The following PTPRD variants were observed in gnomAD, a reference collection of about 807,000 sequenced individuals.
PTPRD encodes the protein protein tyrosine phosphatase receptor type D.
PTPRD carries 34 observed loss-of-function variants against 214.5 expected under a neutral mutation model. The ratio of observed to expected loss-of-function variants is 0.16; its 90% CI spans 0.12 to 0.21. The LOEUF (loss-of-function observed/expected upper bound fraction) is 0.21. Among genes scored for constraint, PTPRD ranks in the 10% least tolerant of loss-of-function variants. The pLI is 1.00. For synonymous variants in PTPRD, 1,128 were observed against 845.7 expected (o/e 1.33, Z -5.79); for missense variants, 2,545 against 2,398.7 (o/e 1.06, Z -1.27).
chr9:9,861,313 CAG>C (rs1270194145), intron 5 of PTPRD, among the ~76,000 whole-genome samples: 2 of 152,052 alleles, frequency 1.3e-5, no homozygotes, highest in Non-Finnish European at 1.5e-5. Context: ...GTTTTTGAGA[CAG>C]AGTCTTGCTC....
At chr9:9,231,347 T>C (rs896827015) in intron 9 of PTPRD, among the ~76,000 whole-genome samples, 1 of 152,158 alleles carries the variant, frequency 6.6e-6, no homozygotes, top group African/African-American at 2.4e-5. Context: ...CAATACTCTC[T>C]TGCAAATAAG....
intron 32 of PTPRD, among the ~76,000 whole-genome samples, chr9:8,464,119 A>T (rs2096490380): frequency 6.6e-6 from 1 of 151,876 alleles, no homozygotes; most frequent in African/African-American, 2.4e-5. Flanking sequence ...CTAGCGGAAG[A>T]CATCAGAAAC....
intron 11 of PTPRD, among the ~76,000 whole-genome samples, chr9:8,996,755 C>G (rs2099398367): frequency 6.6e-6 from 1 of 152,006 alleles, no homozygotes; most frequent in South Asian, 2.1e-4. Context: ...GCCAAACAGG[C>G]TGAGCCTCAT....
chr9:8,781,575 A>G (rs2154494095), intron 11 of PTPRD, among the ~76,000 whole-genome samples: 1 of 152,322 alleles, frequency 6.6e-6, no homozygotes, highest in Non-Finnish European at 1.5e-5. Flanking sequence ...ATAAAGAAAG[A>G]GTCAAACTCT....
At chr9:9,845,792 T>G (rs530573483) in intron 5 of PTPRD, among the ~76,000 whole-genome samples, 18 of 152,092 alleles carry the variant, frequency 1.2e-4, no homozygotes, top group Non-Finnish European at 2.2e-4. Context: ...ATGTTAATTT[T>G]ATGGACTCAG....
intron 3 of PTPRD, among the ~76,000 whole-genome samples, chr9:10,257,183 T>A (rs536077227): frequency 3.9e-5 from 6 of 152,240 alleles, no homozygotes; most frequent in African/African-American, 1.2e-4. Context: ...TAACATATAC[T>A]GGTTTTAGAC....
intron 2 of PTPRD, among the ~76,000 whole-genome samples, chr9:10,411,224 C>A (rs4631514): frequency 6.6e-6 from 1 of 151,694 alleles, no homozygotes; most frequent in Admixed American, 6.6e-5. Context: ...CAATAGGCCT[C>A]TAAATCACCT....
chr9:10,347,836 T>A (rs1231591305), intron 2 of PTPRD, among the ~76,000 whole-genome samples: 1 of 151,946 alleles, frequency 6.6e-6, no homozygotes, highest in Admixed American at 6.6e-5. Context: ...GGCAGGAGGA[T>A]CATCTGAGGT....
chr9:8,540,235 T>C (rs1360300099), intron 14 of PTPRD, among the ~76,000 whole-genome samples: 2 of 152,154 alleles, frequency 1.3e-5, no homozygotes, highest in African/African-American at 2.4e-5. Flanking sequence ...TCTGGGTAGC[T>C]AGATATACTC....
intron 8 of PTPRD, among the ~76,000 whole-genome samples, chr9:9,518,369 T>A (rs1382591585): frequency 6.6e-6 from 1 of 152,076 alleles, no homozygotes; most frequent in East Asian, 1.9e-4. Context: ...AGTGAAAATA[T>A]AGTAGCATTG....
intron 12 of PTPRD, among the ~76,000 whole-genome samples, chr9:8,671,460 GATACTTTTAAAGCTTATTGCTGTAAGT>G (rs2097284516): frequency 6.6e-6 from 1 of 151,998 alleles, no homozygotes; most frequent in Non-Finnish European, 1.5e-5. Context: ...ACATATTAAA[GATACTTTTAAAGCTTATTGCTGTAAGT>G]ATACTTTTAA....
rs568450363 is a variant in PTPRD at position 9,780,551 on chromosome 9, C to G, written c.-367-13700G>C. Among the ~76,000 whole-genome samples, 9 of 152,234 alleles carry G rather than the reference C, an allele frequency of 5.9e-5. No homozygotes were observed. The South Asian group carries it at 1.7e-3, about 28-fold the overall frequency. The stretch of plus-strand genomic sequence containing the variant: ...ACAAAGAGTTACCACCAAATGTTAG[C>G]AAACACAGAATAACAAGGACTCTTA... On this transcript the variant is annotated intron_variant, in intron 5 of 45. Coordinates refer to ENST00000381196, the MANE Select transcript of PTPRD (RefSeq NM_002839.4).
At chr9:8,907,454 G>T (rs2098715532) in intron 11 of PTPRD, among the ~76,000 whole-genome samples, 1 of 147,030 alleles carries the variant, frequency 6.8e-6, no homozygotes, top group Admixed American at 7.0e-5. Context: ...GGAGGCGGAG[G>T]TTGCAGTGAG....
At chr9:10,084,068 A>G (rs1003988292) in intron 3 of PTPRD, among the ~76,000 whole-genome samples, 2 of 151,994 alleles carry the variant, frequency 1.3e-5, no homozygotes, top group African/African-American at 4.8e-5. Flanking sequence ...TCCCAATTTT[A>G]GAAACACAGT....
chr9:10,461,879 C>T (rs1357760489), intron 2 of PTPRD, among the ~76,000 whole-genome samples: 1 of 152,098 alleles, frequency 6.6e-6, no homozygotes, highest in Non-Finnish European at 1.5e-5. Flanking sequence ...GCCCCAGCCT[C>T]CCAAAGTTCT....
At chr9:8,767,842 G>C (rs1398305559) in intron 11 of PTPRD, among the ~76,000 whole-genome samples, 2 of 152,020 alleles carry the variant, frequency 1.3e-5, no homozygotes, top group Admixed American at 6.6e-5. Flanking sequence ...ACTCAGTATG[G>C]TCTCATTTAA....
chr9:10,164,756 G>C (rs2099148921), intron 3 of PTPRD, among the ~76,000 whole-genome samples: 1 of 151,402 alleles, frequency 6.6e-6, no homozygotes, highest in Admixed American at 6.6e-5. Flanking sequence ...ATACATCCAG[G>C]TTTGATGAGT....
intron 3 of PTPRD, among the ~76,000 whole-genome samples, chr9:10,075,954 G>C (rs1038982563): frequency 2.0e-5 from 3 of 151,920 alleles, no homozygotes; most frequent in Admixed American, 1.3e-4. Context: ...TCTTTCCATG[G>C]AGTAGCAAAA....
intron 3 of PTPRD, among the ~76,000 whole-genome samples, chr9:10,203,808 A>T (rs1564505504): frequency 6.6e-6 from 1 of 152,200 alleles, no homozygotes; most frequent in Non-Finnish European, 1.5e-5. Flanking sequence ...TCTGGTAATA[A>T]CATATAATTA....
Sources: gnomAD v4.1 joint callset for allele counts (sites outside exome capture counted in the v4.1 genomes callset) on GRCh38, gnomAD v4.1.1 for gene constraint, MANE v1.5 for transcripts, NCBI Gene and HGNC (gene_info 2026-07-23, HGNC 2026-07-21) for gene names.